The following TRPC4 variants were observed in gnomAD, a reference collection of about 807,000 sequenced individuals.
TRPC4 encodes short transient receptor potential channel 4.
A neutral mutation model predicts 99.4 loss-of-function variants in TRPC4; 49 were observed. That is an observed-to-expected ratio of 0.49 (90% CI 0.39 to 0.63). The LOEUF is 0.63. Among genes scored for constraint, TRPC4 ranks in the 20% least tolerant of loss-of-function variants. TRPC4 has a pLI of 0.00. For synonymous variants in TRPC4, 454 were observed against 425.9 expected, an observed-to-expected ratio of 1.07 and a Z score of -0.81; for missense variants, 898 against 1,152.9, an observed-to-expected ratio of 0.78 and a Z score of 3.20.
At chr13:37,852,913 C>T (rs1318296178) in intron 1 of TRPC4, among the ~76,000 whole-genome samples, 1 of 152,120 alleles carries the variant, frequency 6.6e-6, no homozygotes, top group Non-Finnish European at 1.5e-5. Context: ...GAAGGACTTC[C>T]TATTGTGGTC....
chr13:37,749,293 G>A (rs1245032487), intron 2 of TRPC4, among the ~76,000 whole-genome samples: 1 of 151,998 alleles, frequency 6.6e-6, no homozygotes, highest in Non-Finnish European at 1.5e-5. Context: ...AGTGAAAACG[G>A]ACTAATACAG....
At chr13:37,745,621 C>T (rs1302718022) in intron 3 of TRPC4, among the ~76,000 whole-genome samples, 2 of 149,870 alleles carry the variant, frequency 1.3e-5, no homozygotes, top group African/African-American at 4.9e-5. Flanking sequence ...TATCTGTGAC[C>T]CCCTAAAGTT....
In TRPC4 at chr13:37,749,038, G is replaced by C. The variant is rs142277781; in HGVS notation, c.379-2583C>G. Among the ~76,000 whole-genome samples the C allele has an allele frequency of 2.4e-4, 37 of 152,154 alleles. No homozygotes were observed. The East Asian group carries it at 5.6e-3, about 23-fold the overall frequency. ...GAGCAGCGACTGGATCATGGGGATG[G>C]TTTCTCCCATGCTGTTCTTGTAATA... On this transcript the variant is annotated intron_variant, in intron 2 of 10. Coordinates refer to ENST00000379705, the MANE Select transcript of TRPC4 (RefSeq NM_016179.4).
chr13:37,668,541 A>G (rs992408826), intron 5 of TRPC4, among the ~76,000 whole-genome samples: 2 of 152,186 alleles, frequency 1.3e-5, no homozygotes, highest in African/African-American at 4.8e-5. Context: ...CAGTGAGATG[A>G]GTATGAGAGG....
At chr13:37,678,016 T>A (rs772510180) in intron 4 of TRPC4, among the ~76,000 whole-genome samples, 17 of 152,118 alleles carry the variant, frequency 1.1e-4, no homozygotes, top group Non-Finnish European at 2.4e-4. Context: ...ACAATACAGT[T>A]CTATTATCTT....
At chr13:37,739,219 G>A (rs543206691) in intron 3 of TRPC4, among the ~76,000 whole-genome samples, 3 of 152,186 alleles carry the variant, frequency 2.0e-5, no homozygotes, top group South Asian at 4.2e-4. Context: ...GGTATTTGAG[G>A]GGACATTGGA....
Position 37,820,031 on chromosome 13 carries a change from A to G in TRPC4, c.-27-36671T>C, listed in dbSNP as rs550311736. Among the ~76,000 whole-genome samples the G allele has an allele frequency of 2.1e-4, 32 of 152,048 alleles. No homozygotes were observed. In the South Asian group the frequency reaches 6.6e-3, roughly 32 times the overall value. Reference sequence around the variant, plus strand: ...GAGTTTGTTTTTTAAAGAAAAAATAAGATTGATAGACTACTAGCTAGACAA... The same window carrying G: ...GAGTTTGTTTTTTAAAGAAAAAATAGGATTGATAGACTACTAGCTAGACAA... On this transcript the variant is annotated intron_variant, in intron 1 of 10. Coordinates refer to ENST00000379705, the MANE Select transcript of TRPC4 (RefSeq NM_016179.4).
intron 1 of TRPC4, among the ~76,000 whole-genome samples, chr13:37,800,403 T>C (rs1260424290): frequency 6.6e-6 from 1 of 152,188 alleles, no homozygotes; most frequent in Non-Finnish European, 1.5e-5. Flanking sequence ...AATATCTACA[T>C]TTATTTTATA....
intron 4 of TRPC4, among the ~76,000 whole-genome samples, chr13:37,686,295 C>T (rs1010099439): frequency 4.6e-5 from 7 of 151,870 alleles, no homozygotes; most frequent in South Asian, 2.1e-4. Flanking sequence ...TATATACACA[C>T]GTGTGTATAT....
At chr13:37,699,987 C>T (rs1954052933) in intron 3 of TRPC4, among the ~76,000 whole-genome samples, 2 of 152,000 alleles carry the variant, frequency 1.3e-5, no homozygotes, top group African/African-American at 2.4e-5. Flanking sequence ...TTGAACTTAG[C>T]AAACAAAACA....
chr13:37,647,101 T>C (rs768963176), intron 8 of TRPC4, among the ~76,000 whole-genome samples: 2 of 152,132 alleles, frequency 1.3e-5, no homozygotes, highest in Non-Finnish European at 2.9e-5. Flanking sequence ...AAGCCATAAA[T>C]AGCACGATAA....
At chr13:37,670,235 G>A (rs942583627) in intron 5 of TRPC4, among the ~76,000 whole-genome samples, 1 of 152,180 alleles carries the variant, frequency 6.6e-6, no homozygotes, top group Non-Finnish European at 1.5e-5. Flanking sequence ...GTGACAAGCC[G>A]AGGTGACTAA....
chr13:37,740,735 GA>G (rs1955561090), intron 3 of TRPC4, among the ~76,000 whole-genome samples: 2 of 152,158 alleles, frequency 1.3e-5, no homozygotes, highest in Non-Finnish European at 2.9e-5. Flanking sequence ...AATAAATCAA[GA>G]AACAGAACCA....
intron 1 of TRPC4, among the ~76,000 whole-genome samples, chr13:37,853,381 A>C (rs1959106046): frequency 6.6e-6 from 1 of 152,188 alleles, no homozygotes; most frequent in African/African-American, 2.4e-5. Flanking sequence ...CAAGTCTGCA[A>C]AAATTTCAGT....
intron 1 of TRPC4, among the ~76,000 whole-genome samples, chr13:37,788,301 A>T (rs1339304017): frequency 4.6e-5 from 7 of 151,970 alleles, no homozygotes; most frequent in African/African-American, 1.4e-4. Context: ...TCTCATTGTT[A>T]TTTTTAAATT....
At chr13:37,691,876 C>T in intron 4 of TRPC4, 123 bp downstream of exon 4, 5 of 945,674 alleles carry the variant, frequency 5.3e-6, no homozygotes, top group Non-Finnish European at 7.6e-6. Flanking sequence ...GTTCTTGGAG[C>T]TACAATAGTC....
intron 4 of TRPC4, 105 bp downstream of exon 4, chr13:37,691,894 A>G: frequency 2.7e-6 from 3 of 1,130,408 alleles, no homozygotes; most frequent in East Asian, 2.5e-5. Flanking sequence ...GTCAGAACCT[A>G]TTCTAAACAT....
At chr13:37,740,668 C>T (rs1396311977) in intron 3 of TRPC4, among the ~76,000 whole-genome samples, 2 of 152,172 alleles carry the variant, frequency 1.3e-5, no homozygotes, top group African/African-American at 4.8e-5. Flanking sequence ...CTCCCCACCT[C>T]CCCTGTCTCC....
intron 1 of TRPC4, among the ~76,000 whole-genome samples, chr13:37,837,888 G>A (rs1367224775): frequency 6.6e-6 from 1 of 152,130 alleles, no homozygotes; most frequent in African/African-American, 2.4e-5. Context: ...GGGACCCAGT[G>A]GGAGATAATT....
Sources: allele counts gnomAD v4.1 joint callset (sites outside exome capture counted in the v4.1 genomes callset), GRCh38; gene constraint gnomAD v4.1.1; transcripts MANE v1.5; gene names NCBI Gene and HGNC (gene_info 2026-07-23, HGNC 2026-07-21).